Variants in YAP1 observed in about 807,000 individuals in gnomAD.
YAP1 encodes the protein transcriptional coactivator YAP1.
In YAP1, 5 loss-of-function variants were observed where a neutral mutation model predicts 56.9. That is an observed-to-expected ratio of 0.09 (90% CI 0.05 to 0.18). YAP1 has a LOEUF of 0.18. Among genes scored for constraint, YAP1 ranks in the 10% least tolerant of loss-of-function variants. YAP1 has a pLI of 1.00. For synonymous variants in YAP1, 265 were observed against 248.1 expected (o/e 1.07, Z -0.64); for missense variants, 539 against 651.8 (o/e 0.83, Z 1.88).
In YAP1 at chr11:102,110,890, G is replaced by A. The variant is rs1942851760; in HGVS notation, c.42G>A (p.Gln14=). 2.1e-6 allele frequency: 3 copies of A among 1,431,822 alleles called. No homozygotes were observed. Among genetic ancestry groups the A allele is most frequent in the Non-Finnish European group, 2.7e-6 (3 of 1,091,774 alleles). The allele number at this position is 1,431,822 out of a possible 1,614,324, so 88.7% of individuals were successfully genotyped here. The change falls in exon 1 of 9, where the codon CAG becomes CAA. Residue 14 remains glutamine, a synonymous_variant. Coordinates refer to ENST00000282441, the MANE Select transcript of YAP1 (RefSeq NM_001130145.3). ...AGCCGCCGCCTCAACCGGCCCCCCA[G>A]GGCCAAGGGCAGCCGCCTTCGCAGC... ...GQQPPPQPAP[Q]GQGQPPSQPP... is the part of the protein sequence containing the mutation.
intron 2 of YAP1, among the ~76,000 whole-genome samples, 161 bp from the exon 3 acceptor site, chr11:102,162,295 A>G (rs1946337184): frequency 6.6e-6 from 1 of 152,168 alleles, no homozygotes; most frequent in Admixed American, 6.5e-5. Flanking sequence ...TAAGGGTGAA[A>G]AATGTCTGTT....
At chr11:102,119,728 A>G (rs1015070130) in intron 2 of YAP1, among the ~76,000 whole-genome samples, 3 of 152,096 alleles carry the variant, frequency 2.0e-5, no homozygotes, top group South Asian at 2.1e-4. Context: ...AGTTAGAAAA[A>G]TAATGTGAAT....
At chr11:102,199,482 T>A (rs1948738370) in intron 4 of YAP1, among the ~76,000 whole-genome samples, 1 of 152,216 alleles carries the variant, frequency 6.6e-6, no homozygotes, top group African/African-American at 2.4e-5. Flanking sequence ...GATGAAAGTT[T>A]TAGCCATTTA....
intron 2 of YAP1, among the ~76,000 whole-genome samples, chr11:102,141,493 A>G (rs1298342612): frequency 1.3e-5 from 2 of 152,202 alleles, no homozygotes; most frequent in African/African-American, 4.8e-5. Context: ...TTGGCGCTAA[A>G]CAATGTGGTA....
At chr11:102,206,420 C>G (rs1949122488) in intron 5 of YAP1, among the ~76,000 whole-genome samples, 1 of 152,186 alleles carries the variant, frequency 6.6e-6, no homozygotes, top group Admixed American at 6.6e-5. Context: ...AGGGGAAATT[C>G]TAGAACATCA....
intron 1 of YAP1, chr11:102,112,318 C>T (rs959924194): frequency 5.0e-5 from 41 of 824,168 alleles, no homozygotes; most frequent in Non-Finnish European, 5.6e-5. Flanking sequence ...CAACTTGATT[C>T]AGCATAGAAG....
At chr11:102,111,817 T>TC (rs1942942330) in intron 1 of YAP1, among the ~76,000 whole-genome samples, 2 of 151,736 alleles carry the variant, frequency 1.3e-5, no homozygotes, top group Admixed American at 6.6e-5. Flanking sequence ...TTTCTTTCCT[T>TC]CCCCCCTCCC....
intron 3 of YAP1, among the ~76,000 whole-genome samples, chr11:102,171,393 C>T (rs926672636): frequency 6.6e-6 from 1 of 152,162 alleles, no homozygotes; most frequent in African/African-American, 2.4e-5. Flanking sequence ...ATAAATCTTG[C>T]AACAGTACTC....
chr11:102,164,808 C>G (rs569460382), intron 3 of YAP1, among the ~76,000 whole-genome samples: 1 of 152,048 alleles, frequency 6.6e-6, no homozygotes, highest in Non-Finnish European at 1.5e-5. Flanking sequence ...CCACAACCTC[C>G]GCCTCCCTGG....
chr11:102,217,070 T>C (rs904103209), intron 6 of YAP1, among the ~76,000 whole-genome samples: 2 of 152,172 alleles, frequency 1.3e-5, no homozygotes, highest in African/African-American at 4.8e-5. Context: ...TGCAGGGTGG[T>C]TCATAAAAGA....
chr11:102,202,390 C>A (rs7924674), intron 4 of YAP1, among the ~76,000 whole-genome samples: 146,641 of 146,644 alleles, frequency 1, 73,319 homozygotes, highest in Middle Eastern at 1. Flanking sequence ...CATGTTAGCC[C>A]GGATGGTCGT....
chr11:102,180,139 A>C (rs1947503579), intron 3 of YAP1, among the ~76,000 whole-genome samples: 1 of 150,956 alleles, frequency 6.6e-6, no homozygotes, highest in South Asian at 2.1e-4. Context: ...CCTCCCAAGT[A>C]GCTGGGACTA....
At chr11:102,135,990 T>G (rs1944652711) in intron 2 of YAP1, among the ~76,000 whole-genome samples, 1 of 152,240 alleles carries the variant, frequency 6.6e-6, no homozygotes, top group East Asian at 1.9e-4. Flanking sequence ...ATAAAGATGC[T>G]GCAGTGAACA....
chr11:102,233,135 C>G lies in YAP1; in HGVS notation c.*3195C>G, dbSNP rs1235867871. ...AATGAGTGCTCAGGTGGATTTTATC[C>G]TCGCAAGCATGTTGTTATAAGAATT... On this transcript the variant is annotated 3_prime_UTR_variant, in exon 9 of 9. Transcript: ENST00000282441. 1.3e-5 allele frequency: 2 copies of G among 152,102 alleles called. No homozygotes were observed. The highest frequency in any genetic ancestry group is 3.8e-4 in the East Asian group (2 of 5,196). The allele number at this position is 152,102 out of a possible 1,614,324, so 9.4% of individuals were successfully genotyped here. A position where few individuals can be genotyped will look rare whatever the true frequency, so the allele number is the denominator to read the frequency against.
At chr11:102,112,416 TTTC>T (rs1193844585) in intron 1 of YAP1, 84 of 977,720 alleles carry the variant, frequency 8.6e-5, no homozygotes, top group African/African-American at 2.2e-4. Context: ...TTCTTTTTTA[TTTC>T]TTCTTCTTTT....
At chr11:102,220,150 G>A (rs574806323) in intron 6 of YAP1, among the ~76,000 whole-genome samples, 2 of 152,060 alleles carry the variant, frequency 1.3e-5, no homozygotes, top group African/African-American at 4.8e-5. Flanking sequence ...CTTGAGCTCA[G>A]GTGTTAAGAC....
chr11:102,141,403 T>C (rs1945015003), intron 2 of YAP1, among the ~76,000 whole-genome samples: 1 of 152,256 alleles, frequency 6.6e-6, no homozygotes, highest in Admixed American at 6.5e-5. Context: ...GGGACAAGGA[T>C]TGAGAGCAAT....
At chr11:102,219,565 C>T (rs940226016) in intron 6 of YAP1, among the ~76,000 whole-genome samples, 1 of 151,984 alleles carries the variant, frequency 6.6e-6, no homozygotes, top group African/African-American at 2.4e-5. Context: ...TCACTTCTCA[C>T]TTTGTAAGAT....
intron 7 of YAP1, among the ~76,000 whole-genome samples, chr11:102,226,753 T>C (rs566831191): frequency 7.9e-4 from 121 of 152,352 alleles, no homozygotes; most frequent in African/African-American, 2.7e-3. Context: ...TTTTTTGTTT[T>C]GCTCTTTTCT....
Sources: allele counts gnomAD v4.1 joint callset (sites outside exome capture counted in the v4.1 genomes callset), GRCh38; gene constraint gnomAD v4.1.1; transcripts MANE v1.5; gene names NCBI Gene and HGNC (gene_info 2026-07-23, HGNC 2026-07-21).